Variants in SPATA31H1 observed in about 807,000 individuals in gnomAD.
SPATA31H1 encodes the protein spermatogenesis-associated protein 31H1.
At chr2:27,537,433 C>A in the SPATA31H1 span, 2 of 717,144 alleles carry the variant, frequency 2.8e-6, no homozygotes, top group Non-Finnish European at 5.2e-6. Flanking sequence ...AGAAATGGCA[C>A]CAATTTGGGG....
chr2:27,566,544 G>A, the SPATA31H1 span, among the ~76,000 whole-genome samples: 1 of 152,084 alleles, frequency 6.6e-6, no homozygotes, highest in African/African-American at 2.4e-5. Flanking sequence ...TCATTTCTGG[G>A]TGGAATGGGA....
chr2:27,579,005 A>G, the SPATA31H1 span: 2 of 1,614,092 alleles, frequency 1.2e-6, no homozygotes, highest in African/African-American at 2.7e-5. Flanking sequence ...TGGAAAACCC[A>G]TGTCCTGAGA....
At chr2:27,558,916 A>AGGGAGAGGGAGAGGGAGG in the SPATA31H1 span, among the ~76,000 whole-genome samples, 2 of 43,024 alleles carry the variant, frequency 4.6e-5, no homozygotes, top group Admixed American at 3.5e-4. Flanking sequence ...GGAGAGGGAG[A>AGGGAGAGGGAGAGGGAGG]GGGAGGGGGA....
At chr2:27,578,125 G>C in the SPATA31H1 span, 1 of 1,614,016 alleles carries the variant, frequency 6.2e-7, no homozygotes, top group Non-Finnish European at 8.5e-7. Context: ...GTGACCCCTG[G>C]ACCACCATTT....
chr2:27,581,881 C>A, the SPATA31H1 span: 1 of 1,611,428 alleles, frequency 6.2e-7, no homozygotes, highest in Admixed American at 1.7e-5. Context: ...TGCAGTCCCT[C>A]TGAGAGAAGA....
the SPATA31H1 span, chr2:27,579,564 A>G: frequency 6.2e-7 from 1 of 1,614,112 alleles, no homozygotes; most frequent in African/African-American, 1.3e-5. Flanking sequence ...AGTGAGAATA[A>G]AGAAGACAAA....
the SPATA31H1 span, chr2:27,578,047 A>C: frequency 6.2e-7 from 1 of 1,614,166 alleles, no homozygotes; most frequent in Non-Finnish European, 8.5e-7. Context: ...GCAAGGACAC[A>C]GCTTCAAGTT....
At chr2:27,539,834 A>G in the SPATA31H1 span, among the ~76,000 whole-genome samples, 40 of 69,784 alleles carry the variant, frequency 5.7e-4, no homozygotes, top group Non-Finnish European at 7.8e-4. Flanking sequence ...GGCGCCCCTC[A>G]CCTCCCGGAC....
At chr2:27,582,332 C>G in the SPATA31H1 span, 45 of 1,614,068 alleles carry the variant, frequency 2.8e-5, no homozygotes, top group Non-Finnish European at 3.6e-5. Context: ...CAGGGAGGCC[C>G]TCTGGGAGGA....
At chr2:27,566,722 CTT>C in the SPATA31H1 span, 1 of 613,636 alleles carries the variant, frequency 1.6e-6, no homozygotes, top group East Asian at 2.8e-5. Flanking sequence ...AAACATTTCT[CTT>C]TATTTCTTAG....
At chr2:27,562,125 T>C in the SPATA31H1 span, among the ~76,000 whole-genome samples, 7 of 152,350 alleles carry the variant, frequency 4.6e-5, no homozygotes, top group East Asian at 1.3e-3. Flanking sequence ...GTCTATGTGT[T>C]CCTGTTTTTA....
the SPATA31H1 span, among the ~76,000 whole-genome samples, chr2:27,561,275 T>C: frequency 6.6e-6 from 1 of 152,190 alleles, no homozygotes; most frequent in East Asian, 1.9e-4. Context: ...GAGGTTGCCA[T>C]GAACTTTGAG....
chr2:27,575,394 A>G, the SPATA31H1 span: 1 of 398,380 alleles, frequency 2.5e-6, no homozygotes, highest in African/African-American at 2.1e-5. The surrounding 1 kb of genome is among the most constrained non-coding windows in gnomAD (Gnocchi z 4.1). Flanking sequence ...AGAATTATGC[A>G]CAGGGACAAA....
chr2:27,565,212 C>CTGTATCAATATCTGATACATGAGA, the SPATA31H1 span: 8 of 624,560 alleles, frequency 1.3e-5, no homozygotes, highest in African/African-American at 5.5e-5. Flanking sequence ...TGGATGCCAA[C>CTGTATCAATATCTGATACATGAGA]TGTATCAATA....
the SPATA31H1 span, chr2:27,577,486 C>T: frequency 4.3e-6 from 7 of 1,613,960 alleles, no homozygotes; most frequent in South Asian, 7.7e-5. The surrounding 1 kb of genome is among the most constrained non-coding windows in gnomAD (Gnocchi z 4.5). Context: ...ACTGGATTTG[C>T]AGAGAGATCC....
the SPATA31H1 span, chr2:27,566,455 G>A: frequency 1.3e-5 from 9 of 698,862 alleles, no homozygotes; most frequent in East Asian, 2.4e-4. Context: ...GGAAGGGAAT[G>A]AAGGAGGGAG....
chr2:27,542,812 A>G, the SPATA31H1 span, among the ~76,000 whole-genome samples: 1 of 151,992 alleles, frequency 6.6e-6, no homozygotes, highest in Admixed American at 6.5e-5. Context: ...AAGACAACAT[A>G]CAGTCTGGGA....
chr2:27,557,870 C>A, the SPATA31H1 span, among the ~76,000 whole-genome samples: 1 of 39,666 alleles, frequency 2.5e-5, no homozygotes, highest in African/African-American at 1.1e-4. Context: ...GGGGGCTGAC[C>A]CCCCCTCCCC....
chr2:27,548,711 A>G, the SPATA31H1 span, among the ~76,000 whole-genome samples: 1 of 151,660 alleles, frequency 6.6e-6, no homozygotes, highest in Admixed American at 6.6e-5. Flanking sequence ...TGAGTCTCTT[A>G]AGTGTCTTCT....
Sources: gnomAD v4.1 joint callset for allele counts (sites outside exome capture counted in the v4.1 genomes callset) on GRCh38, gnomAD v4.1.1 for gene constraint, Gnocchi (gnomAD v3.1) non-coding constraint, MANE v1.5 for transcripts, NCBI Gene and HGNC (gene_info 2026-07-23, HGNC 2026-07-21) for gene names.